NRXN3: variants seen among roughly 807,000 people sequenced by gnomAD.
The protein encoded by NRXN3 is neurexin III.
In NRXN3, 32 loss-of-function variants were observed where a neutral mutation model predicts 137.6. That is an observed-to-expected ratio of 0.23 (90% CI 0.18 to 0.31). NRXN3 has a LOEUF of 0.31. Ranked by LOEUF, NRXN3 falls within the 10% of genes least tolerant of loss-of-function variation. NRXN3 has a pLI of 1.00. For missense variants in NRXN3, 1,574 were observed against 2,062.5 expected, an observed-to-expected ratio of 0.76 and a Z score of 4.59; for synonymous variants, 798 against 784.5, an observed-to-expected ratio of 1.02 and a Z score of -0.29.
intron 4 of NRXN3, among the ~76,000 whole-genome samples, chr14:78,568,508 T>C (rs2152302604): frequency 6.6e-6 from 1 of 152,338 alleles, no homozygotes; most frequent in South Asian, 2.1e-4. Flanking sequence ...ATCCAGTTTA[T>C]AGCTGGAACT....
At chr14:78,214,122 T>TGGGCCC (rs2063019366) in intron 1 of NRXN3, among the ~76,000 whole-genome samples, 1 of 152,216 alleles carries the variant, frequency 6.6e-6, no homozygotes, top group African/African-American at 2.4e-5. Flanking sequence ...CTTCTGGGCC[T>TGGGCCC]GGTCTGGGCC....
intron 15 of NRXN3, among the ~76,000 whole-genome samples, chr14:79,047,187 T>G (rs2099634402): frequency 6.7e-6 from 1 of 149,842 alleles, no homozygotes; most frequent in Non-Finnish European, 1.5e-5. Context: ...CCACTTTTAG[T>G]GTGGCACCAT....
At chr14:78,363,809 T>C (rs2085492958) in intron 4 of NRXN3, among the ~76,000 whole-genome samples, 1 of 152,204 alleles carries the variant, frequency 6.6e-6, no homozygotes, top group Admixed American at 6.5e-5. Context: ...TCCTGTGTTG[T>C]CCTAAGCTGC....
intron 15 of NRXN3, among the ~76,000 whole-genome samples, chr14:79,004,894 T>C (rs563438613): frequency 1.3e-5 from 2 of 152,334 alleles, no homozygotes; most frequent in South Asian, 2.1e-4. Flanking sequence ...TTAGCATTTA[T>C]TGACCTTCAG....
Position 79,853,754 on chromosome 14 carries a change from A to G in NRXN3, c.4094-7588A>G. 6.6e-6 allele frequency: 7 copies of G among 1,060,040 alleles called. No homozygotes were observed. The South Asian group carries it at 2.1e-4, about 32-fold the overall frequency. 65.7% of individuals were successfully genotyped at this position (1,060,040 alleles called of 1,614,324 possible). On this transcript the variant is annotated intron_variant, in intron 20 of 20. Transcript: ENST00000335750. ...CATCTCCCTAAATTAAAGAAAGCCT[A>G]AAATTTGTCAAAAAGACAAAAAAAT...
chr14:78,739,575 G>A (rs1405297967), intron 8 of NRXN3, among the ~76,000 whole-genome samples: 2 of 152,170 alleles, frequency 1.3e-5, no homozygotes, highest in Admixed American at 6.5e-5. Context: ...GGGTTCAAGC[G>A]ATTCTCCTGC....
chr14:78,932,729 T>A (rs1048214522), intron 10 of NRXN3, among the ~76,000 whole-genome samples: 1 of 152,216 alleles, frequency 6.6e-6, no homozygotes, highest in Non-Finnish European at 1.5e-5. Flanking sequence ...TGCCATTAAT[T>A]CTTAGCCTTG....
chr14:79,795,459 GC>G (rs1047028243), intron 19 of NRXN3, among the ~76,000 whole-genome samples: 8 of 152,068 alleles, frequency 5.3e-5, no homozygotes, highest in Admixed American at 4.6e-4. Flanking sequence ...TTCCTTCTAG[GC>G]ATGAATAGGG....
chr14:78,842,225 C>A (rs756341809), intron 10 of NRXN3, among the ~76,000 whole-genome samples: 1 of 152,040 alleles, frequency 6.6e-6, no homozygotes, highest in Non-Finnish European at 1.5e-5. Flanking sequence ...GCAAAATTCA[C>A]CCCCAATATT....
At chr14:78,707,807 C>T (rs796194494) in intron 6 of NRXN3, among the ~76,000 whole-genome samples, 13 of 152,170 alleles carry the variant, frequency 8.5e-5, no homozygotes, top group African/African-American at 3.1e-4. Flanking sequence ...ATACAATGTT[C>T]GGTTTTCCAT....
chr14:79,571,602 A>G (rs953792066), intron 16 of NRXN3, among the ~76,000 whole-genome samples: 2 of 152,150 alleles, frequency 1.3e-5, no homozygotes, highest in African/African-American at 2.4e-5. Flanking sequence ...GATCTAGCGG[A>G]GTCCATAGGA....
At chr14:78,916,715 A>G (rs61994007) in intron 10 of NRXN3, among the ~76,000 whole-genome samples, 5,109 of 152,288 alleles carry the variant, frequency 0.034, 143 homozygotes, top group African/African-American at 0.071. Flanking sequence ...TACCTCACGT[A>G]CTAGTTTACA....
At chr14:78,889,350 T>A (rs777728516) in intron 10 of NRXN3, among the ~76,000 whole-genome samples, 1 of 151,982 alleles carries the variant, frequency 6.6e-6, no homozygotes, top group Non-Finnish European at 1.5e-5. Context: ...ACCTGCTGAG[T>A]GCAGTTTTGC....
At chr14:79,242,613 T>C (rs1391120478) in intron 15 of NRXN3, among the ~76,000 whole-genome samples, 2 of 152,110 alleles carry the variant, frequency 1.3e-5, no homozygotes, top group African/African-American at 4.8e-5. Context: ...CAGAGGTAAC[T>C]GCAATTTTGC....
intron 4 of NRXN3, among the ~76,000 whole-genome samples, chr14:78,592,842 G>A (rs892420747): frequency 2.6e-5 from 4 of 152,214 alleles, no homozygotes; most frequent in Non-Finnish European, 4.4e-5. Flanking sequence ...GAATCCCTCT[G>A]TCCAGGGAGG....
At chr14:79,747,147 A>C (rs2098982262) in intron 19 of NRXN3, among the ~76,000 whole-genome samples, 1 of 152,058 alleles carries the variant, frequency 6.6e-6, no homozygotes, top group African/African-American at 2.4e-5. Context: ...AATGTCAGAA[A>C]AGCTACATAT....
chr14:79,409,473 G>A (rs555127974), intron 15 of NRXN3, among the ~76,000 whole-genome samples: 51 of 149,064 alleles, frequency 3.4e-4, no homozygotes, highest in Admixed American at 8.7e-4. Context: ...TACATATATA[G>A]GAATCCTATA....
At chr14:78,438,486 T>C (rs1428816884) in intron 4 of NRXN3, among the ~76,000 whole-genome samples, 4 of 152,138 alleles carry the variant, frequency 2.6e-5, no homozygotes, top group Non-Finnish European at 5.9e-5. Flanking sequence ...TGGCCTGGTA[T>C]AAGAGAACAG....
At chr14:78,915,797 A>G (rs1408588779) in intron 10 of NRXN3, among the ~76,000 whole-genome samples, 1 of 152,084 alleles carries the variant, frequency 6.6e-6, no homozygotes, top group Non-Finnish European at 1.5e-5. Context: ...TCAGTATATG[A>G]AAGCAGTGAT....
Sources: gnomAD v4.1 joint callset for allele counts (sites outside exome capture counted in the v4.1 genomes callset) on GRCh38, gnomAD v4.1.1 for gene constraint, MANE v1.5 for transcripts, NCBI Gene and HGNC (gene_info 2026-07-23, HGNC 2026-07-21) for gene names.